Variants in NAV3 observed in about 807,000 individuals in gnomAD.
NAV3 encodes the protein pore membrane and/or filament interacting like protein 1.
In NAV3, 87 loss-of-function variants were observed where a neutral mutation model predicts 244.7. The ratio of observed to expected loss-of-function variants is 0.36; its 90% confidence interval spans 0.30 to 0.42. The LOEUF is 0.42. NAV3 is among the 20% of genes least tolerant of loss of function. NAV3 has a pLI of 1.00. For synonymous variants in NAV3, 1,126 were observed against 1,042.2 expected, an observed-to-expected ratio of 1.08 and a Z score of -1.55; for missense variants, 2,663 against 2,893.3, an observed-to-expected ratio of 0.92 and a Z score of 1.83.
chr12:77,926,149 G>A (rs1365683375), intron 1 of NAV3, among the ~76,000 whole-genome samples: 2 of 152,166 alleles, frequency 1.3e-5, no homozygotes, highest in Non-Finnish European at 2.9e-5. Context: ...AGCAGGCAGA[G>A]TGTTCTCTCT....
chr12:77,867,681 A>G (rs753373190), intron 1 of NAV3, among the ~76,000 whole-genome samples: 1 of 152,082 alleles, frequency 6.6e-6, no homozygotes, highest in Non-Finnish European at 1.5e-5. Flanking sequence ...CGGCCTCCCA[A>G]AGTGCTGGGA....
At chr12:77,798,161 C>G (rs1871522235) in intron 2 of NAV3, among the ~76,000 whole-genome samples, 1 of 113,890 alleles carries the variant, frequency 8.8e-6, no homozygotes, top group African/African-American at 3.8e-5. Flanking sequence ...GACCGTGTCT[C>G]AAAAACAAAC....
chr12:77,749,358 C>T (rs933583930), intron 2 of NAV3, among the ~76,000 whole-genome samples: 5 of 152,080 alleles, frequency 3.3e-5, no homozygotes, highest in East Asian at 1.9e-4. Context: ...TGGGGCTTAA[C>T]ATTTAGAACA....
At chr12:77,597,377 T>C (rs1870218793) in intron 2 of NAV3, among the ~76,000 whole-genome samples, 1 of 152,116 alleles carries the variant, frequency 6.6e-6, no homozygotes, top group African/African-American at 2.4e-5. Flanking sequence ...GGAGCCTTGA[T>C]ATCCTCAGTG....
chr12:77,915,538 T>A (rs1004030299), intron 1 of NAV3, among the ~76,000 whole-genome samples: 1 of 151,890 alleles, frequency 6.6e-6, no homozygotes, highest in Admixed American at 6.6e-5. Context: ...AAAAAAAAGA[T>A]CTTCTAGCCA....
chr12:77,707,174 C>T (rs1026681234), intron 2 of NAV3, among the ~76,000 whole-genome samples: 5 of 151,442 alleles, frequency 3.3e-5, no homozygotes, highest in African/African-American at 1.2e-4. Flanking sequence ...TCGTCATTTA[C>T]ATTAGGTACA....
chr12:77,593,360 C>T (rs552408918), intron 2 of NAV3, among the ~76,000 whole-genome samples: 1 of 151,416 alleles, frequency 6.6e-6, no homozygotes, highest in South Asian at 2.1e-4. Context: ...AACACATTTG[C>T]CTCTTCTCTC....
chr12:78,142,410 G>A (rs1203050008), intron 20 of NAV3, among the ~76,000 whole-genome samples: 1 of 151,932 alleles, frequency 6.6e-6, no homozygotes, highest in Non-Finnish European at 1.5e-5. Context: ...ACCATATGTT[G>A]CCATTGATTA....
At chr12:78,160,410 T>TGCGTGCGTGC (rs1555184881) in intron 23 of NAV3, among the ~76,000 whole-genome samples, 4 of 127,948 alleles carry the variant, frequency 3.1e-5, no homozygotes, top group Non-Finnish European at 7.0e-5. Flanking sequence ...CGTGCGTGTG[T>TGCGTGCGTGC]GTGTGTGTGT....
At chr12:77,912,072 A>G (rs1307730581) in intron 1 of NAV3, among the ~76,000 whole-genome samples, 1 of 152,128 alleles carries the variant, frequency 6.6e-6, no homozygotes, top group African/African-American at 2.4e-5. Context: ...CCTTGAGGCA[A>G]GGTAATGTAA....
chr12:78,093,360 G>A (rs969299785), intron 12 of NAV3, among the ~76,000 whole-genome samples: 8 of 152,070 alleles, frequency 5.3e-5, no homozygotes, highest in Admixed American at 5.2e-4. Flanking sequence ...TTACCTTTCT[G>A]TAATCAGCAA....
At chr12:77,889,965 A>T (rs1170392251) in intron 1 of NAV3, among the ~76,000 whole-genome samples, 1 of 152,210 alleles carries the variant, frequency 6.6e-6, no homozygotes, top group Non-Finnish European at 1.5e-5. Context: ...CTGAAGTCCA[A>T]CTGGAATAAC....
rs1285381138 is a variant in NAV3, at chr12:77,813,528, G to A, written c.73-126791G>A. On this transcript the variant is annotated intron_variant, in intron 2 of 8. Transcript: ENST00000550042. Reference sequence around the variant, plus strand: ...AGATATCATTGATTTAACTTATCCTGCAGTTCTCTGTGCAATTCTGCATCA... The same window carrying A: ...AGATATCATTGATTTAACTTATCCTACAGTTCTCTGTGCAATTCTGCATCA... Among the ~76,000 whole-genome samples the A allele has an allele frequency of 2.0e-5, 3 of 152,080 alleles. No individual in the cohort carries two copies. The South Asian group carries it at 6.2e-4, about 32-fold the overall frequency.
chr12:77,966,384 G>T, intron 4 of NAV3, 83 bp downstream of exon 4: 1 of 1,143,722 alleles, frequency 8.7e-7, no homozygotes, highest in South Asian at 1.4e-5. Flanking sequence ...TGTAACATTG[G>T]AGTATACGTC....
chr12:77,959,919 A>C (rs1390565267), intron 3 of NAV3, among the ~76,000 whole-genome samples: 2 of 144,768 alleles, frequency 1.4e-5, no homozygotes, highest in African/African-American at 5.3e-5. Context: ...CGACAAAAAA[A>C]AAAAAAAAAA....
intron 24 of NAV3, among the ~76,000 whole-genome samples, chr12:78,172,670 A>G (rs1958053125): frequency 6.6e-6 from 1 of 151,612 alleles, no homozygotes. Context: ...ATAAGTACTG[A>G]GGGAGGAGTA....
At chr12:77,863,768 T>G (rs1879608108) in intron 1 of NAV3, among the ~76,000 whole-genome samples, 1 of 151,926 alleles carries the variant, frequency 6.6e-6, no homozygotes, top group Non-Finnish European at 1.5e-5. Context: ...AGGCTTGTTT[T>G]AAGGCTACTC....
chr12:78,076,472 A>T (rs1197761079), intron 12 of NAV3, among the ~76,000 whole-genome samples: 1 of 152,152 alleles, frequency 6.6e-6, no homozygotes, highest in Non-Finnish European at 1.5e-5. Context: ...GGACTCCCAG[A>T]ATCGAATGCA....
At chr12:77,821,003 GC>G (rs1022564183) in intron 2 of NAV3, among the ~76,000 whole-genome samples, 2 of 151,674 alleles carry the variant, frequency 1.3e-5, no homozygotes, top group Non-Finnish European at 2.9e-5. Flanking sequence ...GAGGTATCTA[GC>G]TGAATCTCTC....
Sources: allele counts gnomAD v4.1 joint callset (sites outside exome capture counted in the v4.1 genomes callset), GRCh38; gene constraint gnomAD v4.1.1; transcripts MANE v1.5; gene names NCBI Gene and HGNC (gene_info 2026-07-23, HGNC 2026-07-21).